INPP5F: variants seen among roughly 807,000 people sequenced by gnomAD.
INPP5F encodes inositol polyphosphate-5-phosphatase F.
INPP5F carries 97 observed loss-of-function variants against 137.2 expected under a neutral mutation model. The observed-to-expected ratio is 0.71, with a 90% confidence interval of 0.60 to 0.84. The LOEUF (loss-of-function observed/expected upper bound fraction) is 0.84. INPP5F is among the 40% of genes least tolerant of loss of function. INPP5F has a pLI of 0.00. For missense variants in INPP5F, 1,271 were observed against 1,371.9 expected (o/e 0.93, Z 1.16); for synonymous variants, 504 against 476.9 (o/e 1.06, Z -0.74).
chr10:119,782,152 T>C (rs920266423), intron 3 of INPP5F, among the ~76,000 whole-genome samples: 2 of 152,216 alleles, frequency 1.3e-5, no homozygotes, highest in East Asian at 1.9e-4. Flanking sequence ...TATCCTCTTT[T>C]GTCTGCATTT....
At chr10:119,790,807 A>C (rs1274323093) in intron 3 of INPP5F, among the ~76,000 whole-genome samples, 1 of 152,220 alleles carries the variant, frequency 6.6e-6, no homozygotes, top group Non-Finnish European at 1.5e-5. Context: ...AAATCCCTCA[A>C]CTTTAATCAG....
At chr10:119,760,844 T>C (rs1357247276) in intron 2 of INPP5F, among the ~76,000 whole-genome samples, 1 of 152,218 alleles carries the variant, frequency 6.6e-6, no homozygotes, top group African/African-American at 2.4e-5. Context: ...ATGATTAACT[T>C]GTATTGTGAG....
intron 2 of INPP5F, among the ~76,000 whole-genome samples, chr10:119,756,790 T>C (rs1265333220): frequency 1.4e-5 from 2 of 143,318 alleles, no homozygotes; most frequent in South Asian, 2.2e-4. Context: ...AAATATATGA[T>C]AGAAGAATTT....
chr10:119,756,037 T>G (rs1259100710), intron 2 of INPP5F, among the ~76,000 whole-genome samples: 1 of 151,914 alleles, frequency 6.6e-6, no homozygotes, highest in Non-Finnish European at 1.5e-5. Flanking sequence ...ACACCTGTAA[T>G]CCCAGCTACT....
At chr10:119,819,761 T>C in intron 15 of INPP5F, 1 of 377,430 alleles carries the variant, frequency 2.6e-6, no homozygotes, top group East Asian at 4.1e-5. Flanking sequence ...GAATTTGTTG[T>C]TTTAGATTAA....
intron 2 of INPP5F, among the ~76,000 whole-genome samples, chr10:119,757,233 C>T (rs1471462365): frequency 2.0e-5 from 3 of 151,774 alleles, no homozygotes; most frequent in Non-Finnish European, 4.4e-5. Context: ...CGTCACCATG[C>T]CTGGCTTATT....
At chr10:119,758,903 C>T (rs371966887) in intron 2 of INPP5F, among the ~76,000 whole-genome samples, 15 of 152,334 alleles carry the variant, frequency 9.8e-5, no homozygotes, top group African/African-American at 3.6e-4. Flanking sequence ...TTTTAGTCTT[C>T]TGTCTATGGA....
At chr10:119,749,938 C>T (rs1210606472) in intron 1 of INPP5F, among the ~76,000 whole-genome samples, 1 of 152,082 alleles carries the variant, frequency 6.6e-6, no homozygotes, top group Non-Finnish European at 1.5e-5. Flanking sequence ...GCCACCATGC[C>T]TGGCTAATTT....
intron 9 of INPP5F, among the ~76,000 whole-genome samples, chr10:119,801,552 A>T (rs1212759150): frequency 6.6e-6 from 1 of 152,174 alleles, no homozygotes; most frequent in Admixed American, 6.5e-5. Flanking sequence ...ATAAGTAGAT[A>T]TAAAGAATAG....
At chr10:119,813,023 T>C (rs1364775665) in intron 15 of INPP5F, among the ~76,000 whole-genome samples, 1 of 152,200 alleles carries the variant, frequency 6.6e-6, no homozygotes, top group Non-Finnish European at 1.5e-5. Context: ...TAAGAGGGTA[T>C]CAATATCATG....
intron 6 of INPP5F, among the ~76,000 whole-genome samples, chr10:119,795,068 G>C (rs1215672752): frequency 3.0e-5 from 4 of 131,876 alleles, no homozygotes; most frequent in Admixed American, 2.2e-4. Context: ...GGCTGGCCGG[G>C]CGGGGGGCTG....
chr10:119,782,377 G>C (rs1486638649), intron 3 of INPP5F, among the ~76,000 whole-genome samples: 3 of 152,194 alleles, frequency 2.0e-5, no homozygotes, highest in Admixed American at 6.5e-5. Context: ...ACCCATGAAA[G>C]CATTTATGTC....
intron 2 of INPP5F, among the ~76,000 whole-genome samples, chr10:119,767,022 T>G (rs1196746162): frequency 1.4e-5 from 2 of 143,240 alleles, no homozygotes; most frequent in African/African-American, 5.1e-5. Context: ...GGAGAATTCC[T>G]TGGACCTGGG....
At chr10:119,776,351 A>AT (rs11451699) in intron 2 of INPP5F, among the ~76,000 whole-genome samples, 151,338 of 152,276 alleles carry the variant, frequency 0.99, 75,218 homozygotes, top group Middle Eastern at 1. Flanking sequence ...AAAAATGTGT[A>AT]TTTATTTTAA....
chr10:119,821,448 T>C (rs1416726103), intron 16 of INPP5F, among the ~76,000 whole-genome samples: 2 of 152,168 alleles, frequency 1.3e-5, no homozygotes, highest in Non-Finnish European at 2.9e-5. Flanking sequence ...AGAAAGACTC[T>C]CAATGAACAG....
chr10:119,804,914 A>G (rs1396935826), intron 10 of INPP5F, among the ~76,000 whole-genome samples: 1 of 151,952 alleles, frequency 6.6e-6, no homozygotes, highest in Non-Finnish European at 1.5e-5. Context: ...TTTGATAGAG[A>G]TGGGGTTTCA....
At chr10:119,782,989 G>A (rs187284664) in intron 3 of INPP5F, among the ~76,000 whole-genome samples, 1 of 152,290 alleles carries the variant, frequency 6.6e-6, no homozygotes, top group Non-Finnish European at 1.5e-5. Flanking sequence ...TGAATTTTAA[G>A]AAACAAAATG....
intron 2 of INPP5F, among the ~76,000 whole-genome samples, chr10:119,761,277 C>G (rs1849001253): frequency 6.6e-6 from 1 of 152,148 alleles, no homozygotes. Context: ...TGTCAGTTTT[C>G]TATAAACCGA....
rs551639582 is a variant in INPP5F at position 119,765,865 on chromosome 10, C to CTATATATA, written c.178+14718_178+14725dup. ...TTAATCTCTCTGTATACACTATATA[C>CTATATATA]TATATATATATATATAGAGAGAGAG... On this transcript the variant is annotated intron_variant, in intron 2 of 19. Coordinates refer to ENST00000650623, the MANE Select transcript of INPP5F (RefSeq NM_014937.4). Among the ~76,000 whole-genome samples, 101 of 29,864 alleles carry CTATATATA rather than the reference C, an allele frequency of 3.4e-3. 1 individual carries two copies. Among genetic ancestry groups the CTATATATA allele is most frequent in the African/African-American group, 6.4e-3 (93 of 14,514 alleles). The allele number at this position is 29,864 out of a possible 152,430, so 19.6% of individuals were successfully genotyped here.
Sources: gnomAD v4.1 joint callset for allele counts (sites outside exome capture counted in the v4.1 genomes callset) on GRCh38, gnomAD v4.1.1 for gene constraint, MANE v1.5 for transcripts, NCBI Gene and HGNC (gene_info 2026-07-23, HGNC 2026-07-21) for gene names.